The following KCNIP4 variants were observed in gnomAD, a reference collection of about 807,000 sequenced individuals.
The protein encoded by KCNIP4 is potassium voltage-gated channel interacting protein 4, also known as Kv channel-interacting protein 4.
A neutral mutation model predicts 34.0 loss-of-function variants in KCNIP4; 12 were observed. The observed-to-expected ratio is 0.35, with a 90% CI of 0.23 to 0.57. The LOEUF is 0.57. KCNIP4 is among the 20% of genes least tolerant of loss of function. KCNIP4 has a pLI of 0.83. For missense variants in KCNIP4, 238 were observed against 311.7 expected, an observed-to-expected ratio of 0.76 and a Z score of 1.78; for synonymous variants, 124 against 102.2, an observed-to-expected ratio of 1.21 and a Z score of -1.29.
intron 1 of KCNIP4, among the ~76,000 whole-genome samples, chr4:21,067,650 G>A (rs1744525227): frequency 6.6e-6 from 1 of 152,140 alleles, no homozygotes; most frequent in Admixed American, 6.5e-5. Flanking sequence ...ATAGGCTGTA[G>A]CCAGGCAGTA....
intron 1 of KCNIP4, among the ~76,000 whole-genome samples, chr4:21,334,771 A>G (rs1395436406): frequency 6.6e-6 from 1 of 151,510 alleles, no homozygotes; most frequent in Non-Finnish European, 1.5e-5. Flanking sequence ...ACAGTATGTG[A>G]TCTTTTGTGT....
rs1577822799 is a variant in KCNIP4 at position 21,170,313 on chromosome 4, G to A, written c.62-287604C>T. ...ATATAAGTAAAAATAGTGTACTACT[G>A]AATAATAAACATAATTTGCTTCGGT... On this transcript the variant is annotated intron_variant, in intron 1 of 8. Coordinates refer to ENST00000382152, the MANE Select transcript of KCNIP4 (RefSeq NM_025221.6). Among the ~76,000 whole-genome samples, 3 of 152,228 alleles carry A rather than the reference G, an allele frequency of 2.0e-5. No homozygotes were observed. In the South Asian group the frequency reaches 6.2e-4, roughly 32 times the overall value.
At chr4:21,135,856 C>G (rs28713553) in intron 1 of KCNIP4, among the ~76,000 whole-genome samples, 80,214 of 151,828 alleles carry the variant, frequency 0.53, 21,770 homozygotes, top group African/African-American at 0.64. Flanking sequence ...TTTTGAAATG[C>G]GGGAAATCAT....
At chr4:21,652,990 C>T (rs574225032) in intron 1 of KCNIP4, among the ~76,000 whole-genome samples, 29 of 152,194 alleles carry the variant, frequency 1.9e-4, no homozygotes, top group African/African-American at 6.7e-4. Context: ...TAATTCAATC[C>T]GCCTGCTGGG....
In KCNIP4 at chr4:21,371,940, T is replaced by TAC. The variant is rs572255029; in HGVS notation, c.62-489233_62-489232dup. Reference sequence around the variant, plus strand: ...GGAAATAGGATATTTATGAGTAGCTTACACACACACACACACAAACACATA... The same window carrying TAC: ...GGAAATAGGATATTTATGAGTAGCTTACACACACACACACACACAAACACATA... On this transcript the variant is annotated intron_variant, in intron 1 of 8. Transcript: ENST00000382152. 2.0e-3 allele frequency among the ~76,000 whole-genome samples: 291 copies of TAC among 145,662 alleles called. 20 individuals are homozygous for TAC. The highest frequency in any genetic ancestry group is 5.0e-3 in the African/African-American group (183 of 36,312).
intron 1 of KCNIP4, among the ~76,000 whole-genome samples, chr4:21,518,083 T>C (rs1421842836): frequency 1.3e-5 from 2 of 152,236 alleles, no homozygotes; most frequent in Non-Finnish European, 1.5e-5. Context: ...TCCCAAGACT[T>C]TGAGATTCCA....
intron 1 of KCNIP4, among the ~76,000 whole-genome samples, chr4:21,229,924 A>G (rs575074434): frequency 6.6e-6 from 1 of 152,322 alleles, no homozygotes; most frequent in South Asian, 2.1e-4. Context: ...AATTTCAAAT[A>G]AAGCAGTATA....
intron 3 of KCNIP4, among the ~76,000 whole-genome samples, chr4:20,761,787 G>A (rs779533551): frequency 9.9e-5 from 15 of 152,128 alleles, no homozygotes; most frequent in Non-Finnish European, 1.5e-4. Context: ...TCACATATCT[G>A]TGTCAGAGGA....
intron 1 of KCNIP4, among the ~76,000 whole-genome samples, chr4:21,485,657 C>T (rs190650980): frequency 3.3e-5 from 5 of 152,308 alleles, no homozygotes; most frequent in African/African-American, 1.2e-4. Flanking sequence ...GAAACCTCCT[C>T]GCCCAGCCCT....
intron 1 of KCNIP4, among the ~76,000 whole-genome samples, chr4:20,934,845 T>C (rs1056860118): frequency 6.6e-6 from 1 of 152,204 alleles, no homozygotes; most frequent in African/African-American, 2.4e-5. Context: ...CTGCAATTTA[T>C]TCTCTCACAG....
At chr4:21,629,634 G>A (rs1745574247) in intron 1 of KCNIP4, among the ~76,000 whole-genome samples, 1 of 152,082 alleles carries the variant, frequency 6.6e-6, no homozygotes, top group South Asian at 2.1e-4. Context: ...ACTGCATGAT[G>A]TCACCATCAC....
At chr4:21,525,332 G>A (rs1411782912) in intron 1 of KCNIP4, among the ~76,000 whole-genome samples, 1 of 152,000 alleles carries the variant, frequency 6.6e-6, no homozygotes, top group Non-Finnish European at 1.5e-5. Context: ...GTATTAGTTG[G>A]ACAATTTGTA....
chr4:21,123,780 G>A (rs1750371767), intron 1 of KCNIP4, among the ~76,000 whole-genome samples: 1 of 152,034 alleles, frequency 6.6e-6, no homozygotes, highest in South Asian at 2.1e-4. Context: ...AAAGGAAGAG[G>A]AAGAGATACC....
chr4:21,693,151 A>AC (rs1711874974), intron 1 of KCNIP4, among the ~76,000 whole-genome samples: 1 of 32,322 alleles, frequency 3.1e-5, no homozygotes, highest in Non-Finnish European at 8.0e-5. Context: ...TAGCCTACCC[A>AC]CAGAGGCCTG....
At chr4:21,247,547 G>C (rs1760301175) in intron 1 of KCNIP4, among the ~76,000 whole-genome samples, 1 of 136,562 alleles carries the variant, frequency 7.3e-6, no homozygotes, top group Non-Finnish European at 1.5e-5. Context: ...CAAGAAATAT[G>C]TATATCTATA....
chr4:21,305,501 C>T (rs1326519578), intron 1 of KCNIP4, among the ~76,000 whole-genome samples: 1 of 152,228 alleles, frequency 6.6e-6, no homozygotes, highest in Non-Finnish European at 1.5e-5. Flanking sequence ...TCTACTCAGA[C>T]TTTGCTGGGT....
intron 1 of KCNIP4, among the ~76,000 whole-genome samples, chr4:21,701,439 G>T (rs1025024305): frequency 6.6e-6 from 1 of 152,088 alleles, no homozygotes; most frequent in African/African-American, 2.4e-5. Context: ...AGTAGGTGAG[G>T]TAATCAAATT....
At chr4:20,967,590 C>A (rs1440520416) in intron 1 of KCNIP4, among the ~76,000 whole-genome samples, 1 of 152,086 alleles carries the variant, frequency 6.6e-6, no homozygotes, top group Non-Finnish European at 1.5e-5. Context: ...ATATATAGAC[C>A]AATGAAACAG....
intron 1 of KCNIP4, among the ~76,000 whole-genome samples, chr4:21,337,662 G>A (rs1481714083): frequency 6.6e-6 from 1 of 152,050 alleles, no homozygotes; most frequent in African/African-American, 2.4e-5. Flanking sequence ...TGCCTCCTAA[G>A]AGGCTTCAAC....
Sources: allele counts gnomAD v4.1 joint callset (sites outside exome capture counted in the v4.1 genomes callset), GRCh38; gene constraint gnomAD v4.1.1; transcripts MANE v1.5; gene names NCBI Gene and HGNC (gene_info 2026-07-23, HGNC 2026-07-21).